The following OSBPL10 variants were observed in gnomAD, a reference collection of about 807,000 sequenced individuals.
OSBPL10 encodes the protein oxysterol-binding protein-related protein 10.
In OSBPL10, 49 loss-of-function variants were observed where a neutral mutation model predicts 81.7. The observed-to-expected ratio is 0.60, with a 90% CI of 0.48 to 0.76. The LOEUF (loss-of-function observed/expected upper bound fraction) is 0.76. Among genes scored for constraint, OSBPL10 ranks in the 30% least tolerant of loss-of-function variants. The pLI is 0.00. For missense variants in OSBPL10, 923 were observed against 987.8 expected (o/e 0.93, Z 0.88); for synonymous variants, 419 against 383.6 (o/e 1.09, Z -1.08).
At chr3:31,891,311 G>T (rs912075395) in intron 1 of OSBPL10, among the ~76,000 whole-genome samples, 3 of 152,148 alleles carry the variant, frequency 2.0e-5, no homozygotes, top group African/African-American at 7.2e-5. Flanking sequence ...TGATTCAGGA[G>T]GTCTGGGTGG....
chr3:31,876,360 G>C (rs1279128964), intron 3 of OSBPL10, 73 bp downstream of exon 3: 7 of 1,325,494 alleles, frequency 5.3e-6, no homozygotes, highest in Middle Eastern at 1.8e-4. Flanking sequence ...CACCTTCCCC[G>C]AAGAAACAAA....
chr3:31,871,356 G>A (rs1701321520), intron 3 of OSBPL10, among the ~76,000 whole-genome samples: 1 of 151,952 alleles, frequency 6.6e-6, no homozygotes, highest in Non-Finnish European at 1.5e-5. Flanking sequence ...TCCCTCCTGA[G>A]CCAGCGAGAC....
chr3:31,941,199 T>G (rs562110109), intron 1 of OSBPL10, among the ~76,000 whole-genome samples: 3 of 152,334 alleles, frequency 2.0e-5, no homozygotes. Context: ...ATTTTATATT[T>G]AATACTTCAG....
At chr3:31,662,748 G>A in intron 11 of OSBPL10, 4 of 985,416 alleles carry the variant, frequency 4.1e-6, no homozygotes, top group Non-Finnish European at 4.8e-6. Context: ...AACTCAGGAA[G>A]AACTGTAAAT....
intron 3 of OSBPL10, among the ~76,000 whole-genome samples, chr3:31,869,979 C>T (rs996686116): frequency 1.3e-5 from 2 of 152,226 alleles, no homozygotes; most frequent in African/African-American, 2.4e-5. Flanking sequence ...GAGCCCTCGC[C>T]TGCTCTCGGC....
At chr3:31,782,578 C>T (rs184842723) in intron 4 of OSBPL10, among the ~76,000 whole-genome samples, 86 of 152,260 alleles carry the variant, frequency 5.6e-4, no homozygotes, top group African/African-American at 2.0e-3. Context: ...GCATAAGGAA[C>T]TCAAATGAAT....
intron 5 of OSBPL10, among the ~76,000 whole-genome samples, chr3:31,733,988 C>T (rs11713961): frequency 0.37 from 55,938 of 150,552 alleles, 10,770 homozygotes; most frequent in East Asian, 0.6. Flanking sequence ...CCAGCCTGGG[C>T]GACAGAGCAA....
intron 2 of OSBPL10, chr3:32,030,557 AC>A: frequency 1.3e-6 from 1 of 779,350 alleles, no homozygotes; most frequent in Non-Finnish European, 2.4e-6. Context: ...GAAGCCAAAG[AC>A]AAACGTACCT....
chr3:31,802,968 CT>C (rs376218656), intron 4 of OSBPL10, among the ~76,000 whole-genome samples: 2,563 of 129,904 alleles, frequency 0.02, 75 homozygotes, highest in African/African-American at 0.066. Context: ...GTATTGGGTC[CT>C]TTTTTTTTTT....
chr3:31,688,134 G>C (rs1700839634), intron 7 of OSBPL10, among the ~76,000 whole-genome samples: 1 of 152,024 alleles, frequency 6.6e-6, no homozygotes, highest in South Asian at 2.1e-4. Context: ...CCAGCATCCT[G>C]CCATACCTCC....
intron 1 of OSBPL10, among the ~76,000 whole-genome samples, chr3:32,049,591 T>C (rs1471925076): frequency 6.6e-6 from 1 of 152,106 alleles, no homozygotes; most frequent in Non-Finnish European, 1.5e-5. Flanking sequence ...ATTTAGGGGG[T>C]TAGAGGCCCC....
chr3:31,981,724 A>T (rs1055341805), upstream of OSBPL10: 1 of 151,874 alleles, frequency 6.6e-6, no homozygotes, highest in African/African-American at 2.4e-5. This position sits in a 1 kb window ranked among gnomAD's most constrained non-coding sequence, Gnocchi z 4.5. Context: ...CCGGATATGG[A>T]CCCGCCCGGC....
chr3:31,996,948 C>T (rs1003458556), intron 2 of OSBPL10, among the ~76,000 whole-genome samples: 2 of 152,166 alleles, frequency 1.3e-5, no homozygotes, highest in Non-Finnish European at 2.9e-5. Flanking sequence ...AGGCTCCCCA[C>T]TCACAATGGG....
intron 3 of OSBPL10, among the ~76,000 whole-genome samples, chr3:31,874,407 A>C (rs1229464690): frequency 6.6e-6 from 1 of 152,218 alleles, no homozygotes. Flanking sequence ...TATTCTACAA[A>C]GCAAAAATTT....
At chr3:31,721,599 G>A (rs1373345625) in intron 6 of OSBPL10, 2 of 152,178 alleles carry the variant, frequency 1.3e-5, no homozygotes, top group African/African-American at 4.8e-5. Flanking sequence ...AGTTATTAGT[G>A]GAGGTCCTTT....
intron 1 of OSBPL10, among the ~76,000 whole-genome samples, chr3:32,066,911 G>T (rs1373928181): frequency 6.6e-6 from 1 of 152,250 alleles, no homozygotes; most frequent in Non-Finnish European, 1.5e-5. Context: ...AAACTAAGTT[G>T]TTTATCTGAT....
intron 1 of OSBPL10, among the ~76,000 whole-genome samples, chr3:31,917,109 G>C (rs576289746): frequency 2.6e-5 from 4 of 152,278 alleles, no homozygotes; most frequent in African/African-American, 9.6e-5. Flanking sequence ...TAGGACACTG[G>C]AGAATAAGAC....
intron 2 of OSBPL10, among the ~76,000 whole-genome samples, chr3:32,016,527 A>G (rs997333539): frequency 5.3e-5 from 8 of 152,202 alleles, no homozygotes; most frequent in African/African-American, 1.7e-4. Flanking sequence ...GCACACCAAC[A>G]TGGCACGTGT....
At chr3:31,708,818 G>T (rs1228915445) in intron 6 of OSBPL10, 3 of 985,302 alleles carry the variant, frequency 3.0e-6, no homozygotes, top group Admixed American at 6.1e-5. Context: ...TGGGTAGAGG[G>T]TATCTCAGCT....
Sources: allele counts gnomAD v4.1 joint callset (sites outside exome capture counted in the v4.1 genomes callset), GRCh38; gene constraint gnomAD v4.1.1; non-coding constraint Gnocchi (gnomAD v3.1); transcripts MANE v1.5; gene names NCBI Gene and HGNC (gene_info 2026-07-23, HGNC 2026-07-21).